Variants in DNER observed in about 807,000 individuals in gnomAD.
DNER encodes the protein delta/notch like EGF repeat containing.
In DNER, 33 loss-of-function variants were observed where a neutral mutation model predicts 78.2. The ratio of observed to expected loss-of-function variants is 0.42; its 90% CI spans 0.32 to 0.56. DNER has a LOEUF of 0.56. Ranked by LOEUF, DNER falls within the 20% of genes least tolerant of loss-of-function variation. The pLI is 0.11. For missense variants in DNER, 918 were observed against 975.3 expected (o/e 0.94, Z 0.78); for synonymous variants, 417 against 384.8 (o/e 1.08, Z -0.98).
chr2:229,505,312 G>C (rs1295465233), intron 6 of DNER, among the ~76,000 whole-genome samples: 1 of 151,898 alleles, frequency 6.6e-6, no homozygotes, highest in Non-Finnish European at 1.5e-5. Context: ...ATCGGAACTG[G>C]CAAAGAAGAA....
rs11885166 is a variant in DNER, at chr2:229,436,476, G to C, written c.1486+10840C>G. ...CACCTATGAAATACTACAAAAGAAG[G>C]CCATGCCCAAGATAGTCATCAGATT... On this transcript the variant is annotated intron_variant, in intron 8 of 12. Coordinates refer to ENST00000341772, the MANE Select transcript of DNER (RefSeq NM_139072.4). 1.3e-3 allele frequency among the ~76,000 whole-genome samples: 199 copies of C among 152,140 alleles called. 1 individual carries two copies. Among genetic ancestry groups the C allele is most frequent in the African/African-American group, 4.6e-3 (190 of 41,498 alleles).
At chr2:229,402,042 A>T (rs1382076826) in intron 10 of DNER, among the ~76,000 whole-genome samples, 1 of 152,180 alleles carries the variant, frequency 6.6e-6, no homozygotes, top group Non-Finnish European at 1.5e-5. Flanking sequence ...TTAAAAGCAG[A>T]CCTATTTTAA....
chr2:229,615,799 A>G (rs1041779968), intron 1 of DNER, among the ~76,000 whole-genome samples: 8 of 152,224 alleles, frequency 5.3e-5, no homozygotes, highest in Non-Finnish European at 1.2e-4. Context: ...GCGGCAAAAA[A>G]AAAAAATCTG....
At chr2:229,424,597 CTGTG>C in intron 8 of DNER, among the ~76,000 whole-genome samples, 1 of 152,156 alleles carries the variant, frequency 6.6e-6, no homozygotes, top group African/African-American at 2.4e-5. Flanking sequence ...GTCCTTTTCT[CTGTG>C]TGTGAGTGCT....
At chr2:229,623,301 T>G (rs1698282555) in intron 1 of DNER, among the ~76,000 whole-genome samples, 1 of 152,124 alleles carries the variant, frequency 6.6e-6, no homozygotes, top group African/African-American at 2.4e-5. Flanking sequence ...GAACCAGTGC[T>G]CCTCATGAGC....
chr2:229,421,623 C>A, intron 8 of DNER, among the ~76,000 whole-genome samples: 2 of 107,096 alleles, frequency 1.9e-5, no homozygotes, highest in Admixed American at 1.1e-4. Flanking sequence ...AAACATACAA[C>A]ATGAAATATA....
At chr2:229,713,838 C>G (rs529615044) in intron 1 of DNER, among the ~76,000 whole-genome samples, 24 of 152,268 alleles carry the variant, frequency 1.6e-4, no homozygotes, top group African/African-American at 5.8e-4. Context: ...TGGCTCGGCC[C>G]GGCCTGGAGG....
intron 8 of DNER, among the ~76,000 whole-genome samples, chr2:229,422,154 T>C (rs1693781750): frequency 1.3e-5 from 2 of 152,142 alleles, no homozygotes; most frequent in African/African-American, 2.4e-5. Context: ...GCACCCTTTA[T>C]ACTCAGTGCC....
chr2:229,569,331 G>T (rs921275740), intron 4 of DNER, among the ~76,000 whole-genome samples: 2 of 152,082 alleles, frequency 1.3e-5, no homozygotes, highest in African/African-American at 2.4e-5. Context: ...AGACTATCCC[G>T]GCCAACATGG....
At chr2:229,600,834 C>T (rs778714560) in intron 1 of DNER, among the ~76,000 whole-genome samples, 112 of 152,152 alleles carry the variant, frequency 7.4e-4, no homozygotes, top group South Asian at 1.9e-3. Flanking sequence ...CCATGGAAGA[C>T]GATGGATGGG....
At chr2:229,468,646 T>C (rs1694857011) in intron 7 of DNER, among the ~76,000 whole-genome samples, 1 of 152,160 alleles carries the variant, frequency 6.6e-6, no homozygotes, top group African/African-American at 2.4e-5. Flanking sequence ...ATATCAGAGA[T>C]ACTGAATTGA....
intron 10 of DNER, among the ~76,000 whole-genome samples, chr2:229,389,979 T>A (rs912496477): frequency 6.6e-6 from 1 of 152,212 alleles, no homozygotes; most frequent in African/African-American, 2.4e-5. Context: ...GGGCAATCAC[T>A]CTTAGTAGAA....
chr2:229,481,150 C>T (rs1695149898), intron 6 of DNER, among the ~76,000 whole-genome samples: 1 of 152,158 alleles, frequency 6.6e-6, no homozygotes, highest in Non-Finnish European at 1.5e-5. Context: ...AAGGGAGGGG[C>T]CCTTTGGCAG....
At chr2:229,454,289 G>C (rs999978317) in intron 7 of DNER, among the ~76,000 whole-genome samples, 3 of 152,188 alleles carry the variant, frequency 2.0e-5, no homozygotes, top group African/African-American at 7.2e-5. Context: ...CTACAGGATT[G>C]TATCTATGTG....
chr2:229,635,922 T>C (rs1698523776), intron 1 of DNER, among the ~76,000 whole-genome samples: 2 of 151,926 alleles, frequency 1.3e-5, no homozygotes, highest in African/African-American at 2.4e-5. Flanking sequence ...GGTTATTTTA[T>C]AGAAAATATT....
rs562315382 is a variant in DNER, at chr2:229,359,046, G to T, written c.2103-395C>A. Reference sequence around the variant, plus strand: ...CCAGTGCCTGGAATATAGAACACCAGGGCAGTCTTCCCCGGGCCATGGACA... The same window carrying T: ...CCAGTGCCTGGAATATAGAACACCATGGCAGTCTTCCCCGGGCCATGGACA... On this transcript the variant is annotated intron_variant, in intron 12 of 12. Coordinates refer to ENST00000341772, the MANE Select transcript of DNER (RefSeq NM_139072.4). Among the ~76,000 whole-genome samples the T allele has an allele frequency of 4.6e-5, 7 of 152,258 alleles. No individual in the cohort carries two copies. The East Asian group carries it at 1.4e-3, about 29-fold the overall frequency.
chr2:229,711,886 G>T, intron 1 of DNER, among the ~76,000 whole-genome samples: 1 of 149,026 alleles, frequency 6.7e-6, no homozygotes, highest in East Asian at 2.0e-4. Flanking sequence ...CTTCTCTTCT[G>T]AAATTGTCTT....
At chr2:229,434,096 T>A (rs1694071506) in intron 8 of DNER, among the ~76,000 whole-genome samples, 1 of 152,180 alleles carries the variant, frequency 6.6e-6, no homozygotes, top group Non-Finnish European at 1.5e-5. Flanking sequence ...AGCAAAGTAT[T>A]TGTGTGATGG....
chr2:229,492,936 G>A (rs763324812), intron 6 of DNER, among the ~76,000 whole-genome samples: 3 of 152,052 alleles, frequency 2.0e-5, no homozygotes, highest in East Asian at 1.9e-4. Flanking sequence ...TTCCCAAAGC[G>A]CTGGGATTAG....
Sources: gnomAD v4.1 joint callset for allele counts (sites outside exome capture counted in the v4.1 genomes callset) on GRCh38, gnomAD v4.1.1 for gene constraint, MANE v1.5 for transcripts, NCBI Gene and HGNC (gene_info 2026-07-23, HGNC 2026-07-21) for gene names.